Variants in SLC35F3 observed in about 807,000 individuals in gnomAD.
SLC35F3 encodes the protein putative thiamine transporter SLC35F3.
In SLC35F3, 25 loss-of-function variants were observed where a neutral mutation model predicts 49.9. That is an observed-to-expected ratio of 0.50 (90% CI 0.37 to 0.70). SLC35F3 has a LOEUF of 0.70. Ranked by LOEUF, SLC35F3 falls within the 30% of genes least tolerant of loss-of-function variation. SLC35F3 has a pLI of 0.00. For synonymous variants in SLC35F3, 275 were observed against 265.4 expected (o/e 1.04, Z -0.35); for missense variants, 525 against 639.8 (o/e 0.82, Z 1.94).
chr1:234,265,824 C>T (rs1298672228), intron 3 of SLC35F3, among the ~76,000 whole-genome samples: 2 of 152,174 alleles, frequency 1.3e-5, no homozygotes, highest in South Asian at 2.1e-4. Flanking sequence ...CCTGATCCTT[C>T]TCCTCCCTTC....
chr1:233,926,049 TC>T (rs1337619667), intron 2 of SLC35F3, among the ~76,000 whole-genome samples: 1 of 152,200 alleles, frequency 6.6e-6, no homozygotes, highest in Non-Finnish European at 1.5e-5. Context: ...AACCTTTCTC[TC>T]TGGCTGCCCT....
chr1:234,045,529 G>A (rs575629633), intron 2 of SLC35F3, among the ~76,000 whole-genome samples: 1 of 152,232 alleles, frequency 6.6e-6, no homozygotes, highest in South Asian at 2.1e-4. Context: ...AAGTCACACA[G>A]CTATGAAGTG....
At chr1:234,083,297 G>C (rs986493158) in intron 2 of SLC35F3, among the ~76,000 whole-genome samples, 2 of 152,238 alleles carry the variant, frequency 1.3e-5, no homozygotes, top group African/African-American at 4.8e-5. Context: ...GATCAGGTCA[G>C]AGTATTCTGG....
intron 2 of SLC35F3, among the ~76,000 whole-genome samples, chr1:234,172,832 C>A (rs1666418552): frequency 6.6e-6 from 1 of 152,148 alleles, no homozygotes. Context: ...TCCGATGTGG[C>A]CACAGTCATA....
intron 2 of SLC35F3, among the ~76,000 whole-genome samples, chr1:234,121,288 C>T (rs1439620965): frequency 5.3e-5 from 8 of 151,834 alleles, no homozygotes; most frequent in Non-Finnish European, 1.5e-5. Context: ...AGGCGCCCGC[C>T]ACCACACCCG....
chr1:233,977,197 G>T (rs1663106462), intron 2 of SLC35F3, among the ~76,000 whole-genome samples: 1 of 152,182 alleles, frequency 6.6e-6, no homozygotes, highest in South Asian at 2.1e-4. Context: ...TTCTCTCTGG[G>T]CTTGTGTTTT....
In SLC35F3 at chr1:233,905,826, G is replaced by A. The variant is rs370499559; in HGVS notation, c.283+68G>A. ...TTCTTACCATTGTCACAGCAGCCTC[G>A]GGGAGCGCACGCAGTGAGGCGTCCA... On this transcript the variant is annotated intron_variant, in intron 2 of 7. Coordinates refer to ENST00000366618, the MANE Select transcript of SLC35F3 (RefSeq NM_173508.4). 1.4e-4 allele frequency: 208 copies of A among 1,439,834 alleles called. 1 individual carries two copies. In the East Asian group the frequency reaches 3.8e-3, roughly 27 times the overall value. 89.2% of individuals were successfully genotyped at this position (1,439,834 alleles called of 1,614,324 possible). A position where few individuals can be genotyped will look rare whatever the true frequency, so the allele number is the denominator to read the frequency against.
chr1:234,016,836 T>C (rs996916140), intron 2 of SLC35F3, among the ~76,000 whole-genome samples: 1 of 152,164 alleles, frequency 6.6e-6, no homozygotes, highest in African/African-American at 2.4e-5. Context: ...CGGTCTAAGG[T>C]TTGTGCCTTT....
At chr1:233,973,276 G>A (rs765422213) in intron 2 of SLC35F3, among the ~76,000 whole-genome samples, 1 of 152,204 alleles carries the variant, frequency 6.6e-6, no homozygotes, top group Non-Finnish European at 1.5e-5. Context: ...GGCACCTCTA[G>A]TGGTGAAAGG....
At position 234,108,428 on chromosome 1, in the gene SLC35F3, TAAAAG is replaced by T. The variant is rs1192545238; in HGVS notation, c.284-122987_284-122983del. The stretch of plus-strand genomic sequence containing the variant: ...ATATATGATATATATTATTTATATA[TAAAAG>T]ATATATATAAAAGATATATATTATT... On this transcript the variant is annotated intron_variant, in intron 2 of 7. Coordinates refer to ENST00000366618, the MANE Select transcript of SLC35F3 (RefSeq NM_173508.4). Among the ~76,000 whole-genome samples the T allele has an allele frequency of 6.3e-5, 6 of 95,124 alleles. 1 individual carries two copies. The highest frequency in any genetic ancestry group is 4.4e-3 in the East Asian group (2 of 456). 62.4% of individuals were successfully genotyped at this position (95,124 alleles called of 152,430 possible).
intron 2 of SLC35F3, among the ~76,000 whole-genome samples, chr1:233,916,476 TG>T (rs1414634343): frequency 6.6e-6 from 1 of 152,204 alleles, no homozygotes; most frequent in African/African-American, 2.4e-5. Flanking sequence ...CTCACTATGT[TG>T]CCCATGCTTA....
intron 2 of SLC35F3, among the ~76,000 whole-genome samples, chr1:234,178,089 A>G (rs1666502546): frequency 6.6e-6 from 1 of 152,198 alleles, no homozygotes; most frequent in African/African-American, 2.4e-5. Flanking sequence ...CCAAAAGAGG[A>G]ATAAAAGTGT....
chr1:233,928,825 G>A (rs573961834), intron 2 of SLC35F3, among the ~76,000 whole-genome samples: 76 of 152,148 alleles, frequency 5.0e-4, no homozygotes, highest in Admixed American at 2.1e-3. Flanking sequence ...TAGTATCAGC[G>A]AGCTGTTACT....
At chr1:233,972,891 G>A (rs1459910792) in intron 2 of SLC35F3, among the ~76,000 whole-genome samples, 1 of 152,216 alleles carries the variant, frequency 6.6e-6, no homozygotes, top group Non-Finnish European at 1.5e-5. Context: ...TAAGTAACAA[G>A]GCTGGAAATC....
At chr1:234,139,669 G>A (rs1272234482) in intron 2 of SLC35F3, among the ~76,000 whole-genome samples, 1 of 152,094 alleles carries the variant, frequency 6.6e-6, no homozygotes, top group Admixed American at 6.6e-5. Flanking sequence ...GGGTGACTTG[G>A]CCCGGTGCGG....
rs1278240315 is a variant in SLC35F3 at position 234,108,762 on chromosome 1, A to AAAG, written c.284-122654_284-122653insAGA. On this transcript the variant is annotated intron_variant, in intron 2 of 7. Coordinates refer to ENST00000366618, the MANE Select transcript of SLC35F3 (RefSeq NM_173508.4). ...CTTTTATATATAAAAGATATATATA[A>AAAG]ATATATATATCTTTTATATATAAAA... is the stretch of plus-strand genomic sequence containing the variant. Among the ~76,000 whole-genome samples the AAAG allele has an allele frequency of 6.4e-5, 5 of 78,370 alleles. 1 individual carries two copies. The highest frequency in any genetic ancestry group is 1.0e-4 in the Non-Finnish European group (5 of 48,224). 51.4% of individuals were successfully genotyped at this position (78,370 alleles called of 152,430 possible).
At chr1:234,120,624 A>G (rs956482300) in intron 2 of SLC35F3, among the ~76,000 whole-genome samples, 3 of 152,200 alleles carry the variant, frequency 2.0e-5, no homozygotes, top group South Asian at 2.1e-4. Flanking sequence ...AAAAGATCAC[A>G]CCTGGCTTGA....
At chr1:234,294,080 A>G (rs1347779825) in intron 3 of SLC35F3, among the ~76,000 whole-genome samples, 1 of 152,254 alleles carries the variant, frequency 6.6e-6, no homozygotes, top group Non-Finnish European at 1.5e-5. Context: ...TTTCTTTTCT[A>G]AAGACAAATC....
chr1:234,272,210 C>A (rs995309077), intron 3 of SLC35F3: 4 of 152,146 alleles, frequency 2.6e-5, no homozygotes, highest in Admixed American at 6.5e-5. Flanking sequence ...ACCTGGCCCT[C>A]CTAATGGAAT....
Sources: allele counts gnomAD v4.1 joint callset (sites outside exome capture counted in the v4.1 genomes callset), GRCh38; gene constraint gnomAD v4.1.1; transcripts MANE v1.5; gene names NCBI Gene and HGNC (gene_info 2026-07-23, HGNC 2026-07-21).